The following HSDL2 variants were observed in gnomAD, a reference collection of about 807,000 sequenced individuals.
HSDL2 encodes the protein hydroxysteroid dehydrogenase-like protein 2.
A neutral mutation model predicts 46.3 loss-of-function variants in HSDL2; 27 were observed. That is an observed-to-expected ratio of 0.58 (90% confidence interval 0.43 to 0.80). HSDL2 has a LOEUF of 0.80. Ranked by LOEUF, HSDL2 falls within the 30% of genes least tolerant of loss-of-function variation. HSDL2 has a pLI of 0.00. For synonymous variants in HSDL2, 153 were observed against 163.6 expected (o/e 0.94, Z 0.50); for missense variants, 451 against 502.7 (o/e 0.90, Z 0.98).
chr9:112,406,035 C>T (rs1381399369), intron 3 of HSDL2, among the ~76,000 whole-genome samples: 1 of 151,904 alleles, frequency 6.6e-6, no homozygotes, highest in African/African-American at 2.4e-5. Context: ...GTGGTGGATG[C>T]CTGTAATCCC....
rs540280522 is a variant in HSDL2, at chr9:112,431,297, G to A, written c.599-7134G>A. Among the ~76,000 whole-genome samples, 4 of 152,140 alleles carry A rather than the reference G, an allele frequency of 2.6e-5. No homozygotes were observed. In the East Asian group the frequency reaches 5.8e-4, roughly 22 times the overall value. ...AGATAAAAAAATCTGTGGGTTATCA[G>A]CATATAGAACATATAAAAAGCCACA... On this transcript the variant is annotated intron_variant, in intron 6 of 10. Coordinates refer to ENST00000398805, the MANE Select transcript of HSDL2 (RefSeq NM_032303.5).
chr9:112,401,831 A>G (rs1831606700), intron 1 of HSDL2, among the ~76,000 whole-genome samples: 2 of 152,304 alleles, frequency 1.3e-5, no homozygotes, highest in Middle Eastern at 3.4e-3. Flanking sequence ...TTTGTTCATT[A>G]AACAATACAC....
intron 10 of HSDL2, among the ~76,000 whole-genome samples, chr9:112,468,692 ATTTTC>A (rs917269202): frequency 2.7e-5 from 4 of 149,990 alleles, no homozygotes; most frequent in African/African-American, 7.4e-5. Flanking sequence ...TTGCTGTATT[ATTTTC>A]TTTTATCTCT....
In HSDL2 at chr9:112,459,557, A is replaced by C; in HGVS notation, c.1124A>C (p.Asp375Ala). The change falls in exon 10 of 11, where the codon GAC becomes GCC. Residue 375 changes from aspartate to alanine, a missense_variant. Physicochemically the swap from Asp to Ala is moderately radical, Grantham distance 126. Transcript: ENST00000398805. ...GTGGTGATGAGTATGACTACTGATG[A>C]CTTTGTAAAAATGTTTTCAGGTGAG... ...ADVVMSMTTD[D>A]FVKMFSGKLK... 5.0e-6 allele frequency: 8 copies of C among 1,613,542 alleles called. No individual in the cohort carries two copies. The highest frequency in any genetic ancestry group is 6.8e-6 in the Non-Finnish European group (8 of 1,179,582).
At chr9:112,447,565 A>G (rs1832781844) in intron 8 of HSDL2, among the ~76,000 whole-genome samples, 1 of 152,154 alleles carries the variant, frequency 6.6e-6, no homozygotes, top group South Asian at 2.1e-4. Flanking sequence ...AAAACGAAAC[A>G]CATGACCTGC....
At chr9:112,380,308 T>C in intron 1 of HSDL2, 128 bp downstream of exon 1, 1 of 846,166 alleles carries the variant, frequency 1.2e-6, no homozygotes, top group Non-Finnish European at 1.8e-6. Context: ...CTGGGCACGC[T>C]CTGAGCTCTG....
chr9:112,398,584 G>C (rs1250791077), intron 1 of HSDL2, among the ~76,000 whole-genome samples: 1 of 152,040 alleles, frequency 6.6e-6, no homozygotes, highest in Admixed American at 6.6e-5. Context: ...GATAACGAAG[G>C]CCGAACGGGA....
At chr9:112,398,595 G>A (rs898961429) in intron 1 of HSDL2, among the ~76,000 whole-genome samples, 6 of 152,048 alleles carry the variant, frequency 3.9e-5, no homozygotes, top group African/African-American at 1.4e-4. Flanking sequence ...CCGAACGGGA[G>A]AGGAAACCTG....
intron 1 of HSDL2, among the ~76,000 whole-genome samples, chr9:112,386,274 C>T (rs1831214855): frequency 1.3e-5 from 2 of 152,014 alleles, no homozygotes; most frequent in Non-Finnish European, 2.9e-5. Context: ...TCAGACCTTC[C>T]ATCTGGAAAC....
chr9:112,412,035 T>A (rs1831880779), intron 4 of HSDL2, among the ~76,000 whole-genome samples: 1 of 152,208 alleles, frequency 6.6e-6, no homozygotes, highest in South Asian at 2.1e-4. Flanking sequence ...ACAGGTTGAG[T>A]ATCCCTGGTC....
At chr9:112,452,536 A>G (rs1179884928) in intron 8 of HSDL2, among the ~76,000 whole-genome samples, 1 of 152,116 alleles carries the variant, frequency 6.6e-6, no homozygotes, top group African/African-American at 2.4e-5. Flanking sequence ...CACCTGAGGT[A>G]AGGAGTTTGA....
intron 6 of HSDL2, among the ~76,000 whole-genome samples, chr9:112,421,465 G>GT (rs1832121043): frequency 6.6e-6 from 1 of 152,144 alleles, no homozygotes; most frequent in Admixed American, 6.5e-5. Flanking sequence ...TCCTAGGGTA[G>GT]TGCTCTGCCC....
At chr9:112,440,343 G>T (rs1337250271) in intron 7 of HSDL2, among the ~76,000 whole-genome samples, 1 of 151,746 alleles carries the variant, frequency 6.6e-6, no homozygotes, top group African/African-American at 2.4e-5. Context: ...ACCGAGGCAG[G>T]AGGCTCATTT....
intron 10 of HSDL2, among the ~76,000 whole-genome samples, chr9:112,461,027 A>C (rs1247903343): frequency 6.6e-6 from 1 of 151,960 alleles, no homozygotes; most frequent in South Asian, 2.1e-4. Flanking sequence ...AGTCTTTTTC[A>C]CTTAATACAT....
At chr9:112,430,576 G>A (rs1208074075) in intron 6 of HSDL2, among the ~76,000 whole-genome samples, 3 of 152,134 alleles carry the variant, frequency 2.0e-5, no homozygotes, top group African/African-American at 7.2e-5. Context: ...GGCAAAGGGG[G>A]GAACAGTTAG....
intron 6 of HSDL2, among the ~76,000 whole-genome samples, chr9:112,423,703 T>C (rs1832178683): frequency 1.3e-5 from 2 of 151,420 alleles, no homozygotes; most frequent in African/African-American, 4.9e-5. Flanking sequence ...GCTACAATTC[T>C]AGATGGTATC....
At position 112,404,145 on chromosome 9, in the gene HSDL2, T is replaced by G; in HGVS notation, c.168T>G (p.Thr56=). The change falls in exon 2 of 11, where the codon ACT becomes ACG. Residue 56 remains threonine (T), a synonymous_variant. Transcript: ENST00000398805. ...PHPKLLGTIY[T]AAEEIEAVGG... ...CAAAACTTCTAGGCACAATCTATAC[T>G]GCTGCTGAAGAAAGTGAGTGTGACA... The G allele has an allele frequency of 6.2e-7, 1 of 1,613,924 alleles. No homozygotes were observed. The highest frequency in any genetic ancestry group is 8.5e-7 in the Non-Finnish European group (1 of 1,179,910).
At chr9:112,463,017 T>C (rs1300469165) in intron 10 of HSDL2, among the ~76,000 whole-genome samples, 2 of 152,234 alleles carry the variant, frequency 1.3e-5, no homozygotes, top group African/African-American at 4.8e-5. Context: ...ATGTTGTAGC[T>C]GGTATCAGTA....
chr9:112,450,156 A>G (rs1300087876), intron 8 of HSDL2, among the ~76,000 whole-genome samples: 4 of 151,888 alleles, frequency 2.6e-5, no homozygotes, highest in Non-Finnish European at 5.9e-5. Flanking sequence ...CGGGCAGGGT[A>G]TAGGGGCTCA....
Sources: gnomAD v4.1 joint callset for allele counts (sites outside exome capture counted in the v4.1 genomes callset) on GRCh38, gnomAD v4.1.1 for gene constraint, MANE v1.5 for transcripts, NCBI Gene and HGNC (gene_info 2026-07-23, HGNC 2026-07-21) for gene names.